The following NAV3 variants were observed in gnomAD, a reference collection of about 807,000 sequenced individuals.
The protein encoded by NAV3 is neuron navigator 3.
A neutral mutation model predicts 244.7 loss-of-function variants in NAV3; 87 were observed. The ratio of observed to expected loss-of-function variants is 0.36; its 90% CI spans 0.30 to 0.42. The LOEUF (loss-of-function observed/expected upper bound fraction) is 0.42. Ranked by LOEUF, NAV3 falls within the 20% of genes least tolerant of loss-of-function variation. The probability of loss-of-function intolerance (pLI) is 1.00; values close to 1 mark genes in which losing one functional copy is unlikely to be tolerated. For missense variants in NAV3, 2,663 were observed against 2,893.3 expected (o/e 0.92, Z 1.83); for synonymous variants, 1,126 against 1,042.2 (o/e 1.08, Z -1.55).
At chr12:78,085,893 A>G (rs1227526325) in intron 12 of NAV3, among the ~76,000 whole-genome samples, 1 of 152,132 alleles carries the variant, frequency 6.6e-6, no homozygotes. Context: ...TTGATGATCT[A>G]CAACTAAGTC....
At position 78,197,311 on chromosome 12, in the gene NAV3, T is replaced by C; in HGVS notation, c.6356T>C (p.Leu2119Pro). ...AGTGCTGATAATAATGGAGTGGAGC[T>C]CCCAGTTGTAATAATTCTTGATAAT... ...QCSADNNGVE[L>P]PVVIILDNLH... The change falls in exon 35 of 40, where the codon CTC becomes CCC. Residue 2119 changes from leucine to proline, a missense_variant. Transcript: ENST00000397909. 6.2e-7 allele frequency: 1 copy of C among 1,608,970 alleles called. No homozygotes were observed. The highest frequency in any genetic ancestry group is 8.5e-7 in the Non-Finnish European group (1 of 1,176,938).
chr12:77,829,097 A>C (rs1054647730), upstream of NAV3, among the ~76,000 whole-genome samples: 3 of 152,234 alleles, frequency 2.0e-5, no homozygotes, highest in Non-Finnish European at 4.4e-5. Context: ...CTAAAAACAA[A>C]AACAAAAATG....
At chr12:77,603,951 T>C (rs967288757) in intron 2 of NAV3, among the ~76,000 whole-genome samples, 65 of 152,072 alleles carry the variant, frequency 4.3e-4, no homozygotes, top group African/African-American at 1.5e-3. Flanking sequence ...AGAGTCTGTA[T>C]TGGATAAATT....
intron 2 of NAV3, among the ~76,000 whole-genome samples, chr12:77,667,824 T>C (rs1414839717): frequency 1.3e-5 from 2 of 152,068 alleles, no homozygotes; most frequent in Non-Finnish European, 2.9e-5. Context: ...AGCACCACCT[T>C]CTGTCTGGAG....
chr12:77,845,629 A>G (rs1484710236), intron 1 of NAV3, among the ~76,000 whole-genome samples: 3 of 147,900 alleles, frequency 2.0e-5, no homozygotes, highest in Non-Finnish European at 4.5e-5. Context: ...TCATATTTTC[A>G]TTAAGTTTGA....
At position 78,125,703 on chromosome 12, in the gene NAV3, A is replaced by G. The variant is rs201653913; in HGVS notation, c.4239-1464A>G. On this transcript the variant is annotated intron_variant, in intron 16 of 39. Transcript: ENST00000397909. Reference sequence around the variant, plus strand: ...GCCCTTGCTGGCATATGAGTTTGCAACCTTTGGTGATTTGCAGAAATTGTC... The same window carrying G: ...GCCCTTGCTGGCATATGAGTTTGCAGCCTTTGGTGATTTGCAGAAATTGTC... 2.0e-5 allele frequency among the ~76,000 whole-genome samples: 3 copies of G among 152,236 alleles called. No individual in the cohort carries two copies. The East Asian group carries it at 5.8e-4, about 29-fold the overall frequency.
intron 2 of NAV3, among the ~76,000 whole-genome samples, chr12:77,791,260 A>G (rs904358303): frequency 1.3e-5 from 2 of 151,354 alleles, no homozygotes; most frequent in African/African-American, 4.9e-5. Context: ...AGGCTTAGGT[A>G]GAAGAATTGC....
chr12:77,956,682 T>C (rs990334766), intron 3 of NAV3, among the ~76,000 whole-genome samples: 2 of 152,146 alleles, frequency 1.3e-5, no homozygotes, highest in Non-Finnish European at 2.9e-5. Context: ...TGGTATGCCC[T>C]GTTCCTCCTT....
intron 1 of NAV3, among the ~76,000 whole-genome samples, chr12:77,870,507 T>C (rs1392168707): frequency 1.3e-5 from 2 of 152,206 alleles, no homozygotes; most frequent in Non-Finnish European, 2.9e-5. Flanking sequence ...TTTTGTTTTT[T>C]ATTAGTTAGA....
chr12:77,699,097 T>C (rs895963023), intron 2 of NAV3, among the ~76,000 whole-genome samples: 1 of 152,168 alleles, frequency 6.6e-6, no homozygotes, highest in African/African-American at 2.4e-5. Context: ...TATCCACTTT[T>C]ATTTGATATA....
chr12:77,795,705 G>A (rs973863883), intron 2 of NAV3, among the ~76,000 whole-genome samples: 2 of 152,118 alleles, frequency 1.3e-5, no homozygotes, highest in African/African-American at 2.4e-5. Flanking sequence ...TGACTCTAAC[G>A]TTAAGGGCTG....
At chr12:77,965,930 A>G (rs1565967668) in intron 3 of NAV3, among the ~76,000 whole-genome samples, 2 of 152,132 alleles carry the variant, frequency 1.3e-5, no homozygotes, top group Admixed American at 1.3e-4. Flanking sequence ...TTTCACGGGG[A>G]CTTATTTGCA....
intron 2 of NAV3, among the ~76,000 whole-genome samples, chr12:77,718,831 T>G (rs775371821): frequency 3.4e-5 from 5 of 149,028 alleles, no homozygotes; most frequent in Non-Finnish European, 7.6e-5. Context: ...AAATTTTGTA[T>G]TTTTAGTAGA....
intron 2 of NAV3, among the ~76,000 whole-genome samples, chr12:77,647,852 C>A (rs1872668499): frequency 6.6e-6 from 1 of 152,046 alleles, no homozygotes; most frequent in Non-Finnish European, 1.5e-5. Flanking sequence ...ATCTACCATT[C>A]CTATAACATA....
At chr12:77,713,273 T>C (rs1160591083) in intron 2 of NAV3, among the ~76,000 whole-genome samples, 1 of 152,216 alleles carries the variant, frequency 6.6e-6, no homozygotes, top group Non-Finnish European at 1.5e-5. Context: ...TATTTGTGTT[T>C]CTCTCCATTT....
At chr12:77,843,347 C>T (rs1876026779) in intron 1 of NAV3, among the ~76,000 whole-genome samples, 1 of 151,928 alleles carries the variant, frequency 6.6e-6, no homozygotes, top group Non-Finnish European at 1.5e-5. Flanking sequence ...TTACCACTTC[C>T]AGGTCTGCAC....
At chr12:77,929,798 A>ATTTTTTTTTTTTTTTTTTTTTTT in intron 1 of NAV3, among the ~76,000 whole-genome samples, 1 of 106,044 alleles carries the variant, frequency 9.4e-6, no homozygotes, top group Non-Finnish European at 1.8e-5. Context: ...ACGGCCAGCT[A>ATTTTTTTTTTTTTTTTTTTTTTT]TTTTTTTTTT....
chr12:77,941,072 T>TG lies in NAV3; in HGVS notation c.362-7dup. 6.4e-7 allele frequency: 1 copy of TG among 1,558,764 alleles called. No individual in the cohort carries two copies. Among genetic ancestry groups the TG allele is most frequent in the Non-Finnish European group, 8.8e-7 (1 of 1,137,952 alleles). Reference sequence around the variant, plus strand: ...TTTTTCTCTCTTTTATTTTATCTCTTGGCTTTAGCAAATGAAAAAGTTGAA... The same window carrying TG: ...TTTTTCTCTCTTTTATTTTATCTCTTGGGCTTTAGCAAATGAAAAAGTTGAA... On this transcript the variant is annotated splice_polypyrimidine_tract_variant and intron_variant, in intron 2 of 39. Transcript: ENST00000397909.
intron 1 of NAV3, among the ~76,000 whole-genome samples, chr12:77,908,094 A>G (rs1367781258): frequency 1.3e-5 from 2 of 152,066 alleles, no homozygotes; most frequent in African/African-American, 2.4e-5. Context: ...TAGCATATTT[A>G]CTATATTTTA....
Sources: allele counts gnomAD v4.1 joint callset (sites outside exome capture counted in the v4.1 genomes callset), GRCh38; gene constraint gnomAD v4.1.1; transcripts MANE v1.5; gene names NCBI Gene and HGNC (gene_info 2026-07-23, HGNC 2026-07-21).